GBP3: variants seen among roughly 807,000 people sequenced by gnomAD.
GBP3 encodes guanylate binding protein 3, also known as guanylate-binding protein 3.
Under a neutral mutation model 62.4 loss-of-function variants are expected in GBP3, and 55 were observed. The ratio of observed to expected loss-of-function variants is 0.88; its 90% CI spans 0.71 to 1.10. GBP3 has a LOEUF of 1.10. Among genes scored for constraint, GBP3 ranks in the 50% least tolerant of loss-of-function variants. The pLI is 0.00. For missense variants in GBP3, 605 were observed against 690.6 expected (o/e 0.88, Z 1.39); for synonymous variants, 208 against 259.2 (o/e 0.80, Z 1.90).
Position 89,007,585 on chromosome 1 carries a change from T to A in GBP3, c.*139A>T. 1.3e-6 allele frequency: 1 copy of A among 782,272 alleles called. No individual in the cohort carries two copies. The highest frequency in any genetic ancestry group is 2.1e-6 in the Non-Finnish European group (1 of 484,758). 48.5% of individuals were successfully genotyped at this position (782,272 alleles called of 1,614,324 possible). On this transcript the variant is annotated 3_prime_UTR_variant, in exon 11 of 11. Transcript: ENST00000370481. ...TTTTAAGGAAAAAACATGATTTTGA[T>A]CATTGAACTGCATGTTCTTGTAAAC... is the stretch of plus-strand genomic sequence containing the variant.
intron 10 of GBP3, among the ~76,000 whole-genome samples, chr1:89,008,088 GC>G (rs113955531): frequency 6.6e-6 from 1 of 151,844 alleles, no homozygotes; most frequent in African/African-American, 2.4e-5. Context: ...TGAAGGTCTT[GC>G]TTTTTTCCCC....
intron 1 of GBP3, among the ~76,000 whole-genome samples, chr1:89,021,788 TGAGAGAGAGAGAGAGAGA>T (rs146229731): frequency 1.2e-4 from 8 of 65,358 alleles, no homozygotes; most frequent in African/African-American, 3.7e-4. Context: ...GCTGGAAAGA[TGAGAGAGAGAGAGAGAGA>T]GAGAGAGAGA....
intron 2 of GBP3, among the ~76,000 whole-genome samples, chr1:89,015,814 T>C (rs1239840257): frequency 3.7e-5 from 5 of 133,762 alleles, no homozygotes; most frequent in African/African-American, 1.4e-4. Flanking sequence ...ACAAAGGACA[T>C]ACATGAAAAA....
chr1:89,014,339 C>T, intron 4 of GBP3, 60 bp from the exon 5 acceptor site: 1 of 1,611,732 alleles, frequency 6.2e-7, no homozygotes, highest in Non-Finnish European at 8.5e-7. Context: ...CATATTAGTT[C>T]AACACATTCC....
intron 4 of GBP3, 55 bp downstream of exon 4, chr1:89,014,492 A>G: frequency 1.2e-6 from 2 of 1,614,024 alleles, no homozygotes; most frequent in Non-Finnish European, 1.7e-6. Flanking sequence ...CAGCTGGTTT[A>G]TGAATACAGG....
rs761151308 is a variant in GBP3, at chr1:89,021,544, A to ACACACACACACACC, written c.-22-802_-22-801insGGTGTGTGTGTGTG. The stretch of plus-strand genomic sequence containing the variant: ...CACACACACACACACACACACACAC[A>ACACACACACACACC]CCCCAAAAAAACCAAACCAAACAAA... On this transcript the variant is annotated intron_variant, in intron 1 of 10. Transcript: ENST00000370481. 3.0e-3 allele frequency among the ~76,000 whole-genome samples: 422 copies of ACACACACACACACC among 141,024 alleles called. 2 individuals are homozygous for ACACACACACACACC. The highest frequency in any genetic ancestry group is 3.6e-3 in the Non-Finnish European group (233 of 64,372). 92.5% of individuals were successfully genotyped at this position (141,024 alleles called of 152,430 possible). A position where few individuals can be genotyped will look rare whatever the true frequency, so the allele number is the denominator to read the frequency against.
At chr1:89,018,281 C>T (rs1678995731) in intron 2 of GBP3, among the ~76,000 whole-genome samples, 1 of 152,200 alleles carries the variant, frequency 6.6e-6, no homozygotes, top group South Asian at 2.1e-4. Flanking sequence ...GATGTGCAGT[C>T]AGGGAGGTTT....
In GBP3 at chr1:89,007,947, A is replaced by G. The variant is rs1678326059; in HGVS notation, c.1660-95T>C. The stretch of plus-strand genomic sequence containing the variant: ...ACATGCATTGATTTATTTAGTACTT[A>G]GTTTTTTTCTTGAAATTTTCTCTAC... On this transcript the variant is annotated intron_variant, in intron 10 of 10. Coordinates refer to ENST00000370481, the MANE Select transcript of GBP3 (RefSeq NM_018284.3). 5.2e-6 allele frequency: 6 copies of G among 1,154,954 alleles called. No individual in the cohort carries two copies. In the South Asian group the frequency reaches 8.9e-5, roughly 17 times the overall value. The allele number at this position is 1,154,954 out of a possible 1,614,324, so 71.5% of individuals were successfully genotyped here.
intron 2 of GBP3, among the ~76,000 whole-genome samples, chr1:89,019,066 A>T (rs1350487292): frequency 1.3e-5 from 2 of 152,242 alleles, no homozygotes; most frequent in Non-Finnish European, 2.9e-5. Context: ...AATTCCTTAA[A>T]AAATTTAACA....
chr1:89,014,454 G>T, intron 4 of GBP3, 93 bp downstream of exon 4: 1 of 1,612,516 alleles, frequency 6.2e-7, no homozygotes, highest in East Asian at 2.2e-5. Context: ...CTCCTTTTGA[G>T]CTTGATTCAT....
At position 89,008,866 on chromosome 1, in the gene GBP3, C is replaced by T. The variant is rs140794197; in HGVS notation, c.1659+81G>A. On this transcript the variant is annotated intron_variant, in intron 10 of 10. Coordinates refer to ENST00000370481, the MANE Select transcript of GBP3 (RefSeq NM_018284.3). ...AAATCCTTCCCCTGGGCTTTATGTT[C>T]GCTCTGCCATACTAAGTTTGTGATC... The T allele has an allele frequency of 7.6e-4, 1,220 of 1,598,792 alleles. 7 individuals carry two copies. The African/African-American group carries it at 0.014, about 18-fold the overall frequency.
In GBP3 at chr1:89,007,757, G is replaced by GT; in HGVS notation, c.1754_1755insA (p.Lys586GlnfsTer7). The GT allele has an allele frequency of 6.2e-7, 1 of 1,611,824 alleles. No individual in the cohort carries two copies. The highest frequency in any genetic ancestry group is 1.3e-5 in the African/African-American group (1 of 74,616). On this transcript the variant is annotated frameshift_variant, in exon 11 of 11. Coordinates refer to ENST00000370481, the MANE Select transcript of GBP3 (RefSeq NM_018284.3). LOFTEE classifies it low-confidence loss of function (END_TRUNC). ...TTAGCTTATGCGACATATATCTCTTGGTTTTTTTTTTCAGGGTCTTCTGTA... is the reference window on the plus strand; with the variant it reads ...TTAGCTTATGCGACATATATCTCTTGTGTTTTTTTTTTCAGGGTCTTCTGTA...
chr1:89,013,450 T>G (rs1418166849), intron 5 of GBP3, 23 bp from the exon 6 acceptor site: 1 of 1,593,892 alleles, frequency 6.3e-7, no homozygotes, highest in Admixed American at 1.8e-5. Context: ...AATAAAGAAA[T>G]TTGCCTAATA....
chr1:89,008,312 G>T (rs1168397396), intron 10 of GBP3, among the ~76,000 whole-genome samples: 1 of 151,030 alleles, frequency 6.6e-6, no homozygotes, highest in Non-Finnish European at 1.5e-5. Context: ...TGTTGGCAGG[G>T]GTAGCAGAAG....
chr1:89,015,151 G>A, intron 3 of GBP3, 136 bp downstream of exon 3: 1 of 813,192 alleles, frequency 1.2e-6, no homozygotes, highest in East Asian at 2.7e-5. Flanking sequence ...TGCTAAGTTT[G>A]GCCTTATGAC....
In GBP3 at chr1:89,012,047, GATA is replaced by G; in HGVS notation, c.869-23_869-21del. 2.8e-6 allele frequency: 4 copies of G among 1,448,118 alleles called. 1 individual carries two copies. The highest frequency in any genetic ancestry group is 3.8e-6 in the Non-Finnish European group (4 of 1,044,546). The allele number at this position is 1,448,118 out of a possible 1,614,324, so 89.7% of individuals were successfully genotyped here. A position where few individuals can be genotyped will look rare whatever the true frequency, so the allele number is the denominator to read the frequency against. Reference sequence around the variant, plus strand: ...CTAGACCTACATACAAAGAAGAAATGATAATGTTTCTTGTACTAAAGAAAACTC... The same window carrying G: ...CTAGACCTACATACAAAGAAGAAATGATGTTTCTTGTACTAAAGAAAACTC... On this transcript the variant is annotated intron_variant, in intron 6 of 10. Transcript: ENST00000370481.
intron 1 of GBP3, among the ~76,000 whole-genome samples, chr1:89,021,816 A>AGAGAGAGAGAGG (rs1679242421): frequency 6.7e-6 from 1 of 150,104 alleles, no homozygotes; most frequent in South Asian, 2.1e-4. Flanking sequence ...AGAGAGAGAG[A>AGAGAGAGAGAGG]GAGAGAGAGA....
Position 89,007,854 on chromosome 1 carries a change from TA to T in GBP3, c.1660-3del. 6.2e-7 allele frequency: 1 copy of T among 1,609,762 alleles called. No homozygotes were observed. The highest frequency in any genetic ancestry group is 8.5e-7 in the Non-Finnish European group (1 of 1,178,558). ...CTCCTTTAGTACTCGGGCCTGTTCC[TA>T]AAAAGGGACAAATGGAGGCTAAATA... On this transcript the variant is annotated splice_region_variant and splice_polypyrimidine_tract_variant and intron_variant, in intron 10 of 10. Coordinates refer to ENST00000370481, the MANE Select transcript of GBP3 (RefSeq NM_018284.3).
At chr1:89,015,747 A>AAAG (rs1449826563) in intron 2 of GBP3, among the ~76,000 whole-genome samples, 1 of 148,256 alleles carries the variant, frequency 6.7e-6, no homozygotes, top group African/African-American at 2.5e-5. Flanking sequence ...CTTGTCTTAA[A>AAAG]AAAAAAAAAA....
Sources: gnomAD v4.1 joint callset for allele counts (sites outside exome capture counted in the v4.1 genomes callset) on GRCh38, gnomAD v4.1.1 for gene constraint, MANE v1.5 for transcripts, NCBI Gene and HGNC (gene_info 2026-07-23, HGNC 2026-07-21) for gene names.